The following DEPDC5 variants were observed in gnomAD, a reference collection of about 807,000 sequenced individuals.
The protein encoded by DEPDC5 is GATOR1 complex protein DEPDC5.
DEPDC5 carries 73 observed loss-of-function variants against 217.3 expected under a neutral mutation model. The ratio of observed to expected loss-of-function variants is 0.34; its 90% CI spans 0.28 to 0.41. The LOEUF is 0.41. Ranked by LOEUF, DEPDC5 falls within the 10% of genes least tolerant of loss-of-function variation. DEPDC5 has a pLI of 1.00. For synonymous variants in DEPDC5, 733 were observed against 756.7 expected (o/e 0.97, Z 0.51); for missense variants, 1,675 against 2,070.1 (o/e 0.81, Z 3.70).
chr22:31,897,239 G>A (rs1018827498), intron 39 of DEPDC5, among the ~76,000 whole-genome samples: 1 of 152,228 alleles, frequency 6.6e-6, no homozygotes, highest in Non-Finnish European at 1.5e-5. Flanking sequence ...AACACCGAAG[G>A]TGCAGAAGTT....
intron 24 of DEPDC5, among the ~76,000 whole-genome samples, chr22:31,828,147 A>G (rs2148877607): frequency 6.6e-6 from 1 of 152,240 alleles, no homozygotes; most frequent in Non-Finnish European, 1.5e-5. Flanking sequence ...CTGTATTCCC[A>G]GAGCTTAAAA....
chr22:31,797,742 G>GAAGT, intron 13 of DEPDC5, 39 bp downstream of exon 13: 1 of 1,491,704 alleles, frequency 6.7e-7, no homozygotes, highest in Non-Finnish European at 9.4e-7. Flanking sequence ...GCGGGGAAAG[G>GAAGT]AAGTGTAGGA....
chr22:31,898,430 G>T (rs1182773155), intron 40 of DEPDC5, among the ~76,000 whole-genome samples: 1 of 152,188 alleles, frequency 6.6e-6, no homozygotes, highest in African/African-American at 2.4e-5. Context: ...CTTTTGATGA[G>T]TTCACAGATG....
intron 26 of DEPDC5, among the ~76,000 whole-genome samples, chr22:31,838,028 G>A (rs1287026679): frequency 1.3e-5 from 2 of 152,074 alleles, no homozygotes; most frequent in East Asian, 3.9e-4. Flanking sequence ...TGTAAGAACT[G>A]TTCGTTTCTC....
At chr22:31,781,805 G>A (rs571276454) in intron 8 of DEPDC5, among the ~76,000 whole-genome samples, 2 of 152,200 alleles carry the variant, frequency 1.3e-5, no homozygotes, top group South Asian at 4.2e-4. Flanking sequence ...AGGCCGAGGT[G>A]GGGGGGATTG....
At chr22:31,861,874 T>C (rs2092527795) in intron 33 of DEPDC5, among the ~76,000 whole-genome samples, 4 of 152,248 alleles carry the variant, frequency 2.6e-5, no homozygotes, top group African/African-American at 7.2e-5. Flanking sequence ...TTCATAGGCA[T>C]GTGCTAATGC....
chr22:31,799,787 AC>A (rs2086665411), intron 14 of DEPDC5, among the ~76,000 whole-genome samples: 1 of 133,102 alleles, frequency 7.5e-6, no homozygotes, highest in Non-Finnish European at 1.6e-5. Context: ...GGCATGAGCC[AC>A]CATGCCCGGC....
intron 29 of DEPDC5, 108 bp downstream of exon 29, chr22:31,843,920 T>C (rs1301795245): frequency 3.1e-6 from 4 of 1,274,182 alleles, no homozygotes; most frequent in African/African-American, 1.5e-5. Context: ...TTCTTTTTTT[T>C]TTTCTTTGTA....
At chr22:31,873,196 C>G (rs553987989) in intron 34 of DEPDC5, 59 bp from the exon 35 acceptor site, 2 of 1,612,616 alleles carry the variant, frequency 1.2e-6, no homozygotes, top group Admixed American at 3.3e-5. Context: ...TCCTAATATT[C>G]GTGCTCTTGA....
chr22:31,801,066 C>T lies in DEPDC5; in HGVS notation c.947-1638C>T, dbSNP rs562834220. On this transcript the variant is annotated intron_variant, in intron 14 of 42. Transcript: ENST00000651528. ...CCAGCACTTTCGGAGGCTTAGGCAG[C>T]GGGATCACCTGAGGTCAGGAGCTCA... Among the ~76,000 whole-genome samples the T allele has an allele frequency of 2.6e-4, 39 of 149,852 alleles. 1 individual carries two copies. The South Asian group carries it at 7.2e-3, about 28-fold the overall frequency.
At chr22:31,796,399 C>T (rs2086251240) in intron 12 of DEPDC5, among the ~76,000 whole-genome samples, 1 of 152,094 alleles carries the variant, frequency 6.6e-6, no homozygotes, top group African/African-American at 2.4e-5. Flanking sequence ...CACTGCCTGG[C>T]CCACTGTATC....
intron 34 of DEPDC5, among the ~76,000 whole-genome samples, chr22:31,872,519 G>A (rs959008503): frequency 6.6e-6 from 1 of 152,142 alleles, no homozygotes; most frequent in Non-Finnish European, 1.5e-5. Context: ...TGATGATACT[G>A]GGATTCCATT....
At chr22:31,790,504 G>C (rs563252310) in intron 10 of DEPDC5, among the ~76,000 whole-genome samples, 1 of 152,320 alleles carries the variant, frequency 6.6e-6, no homozygotes, top group Middle Eastern at 3.4e-3. Context: ...ATACCGCTGA[G>C]TCCAGAGCAA....
Position 31,809,577 on chromosome 22 carries a change from G to A in DEPDC5, c.1288-34G>A, listed in dbSNP as rs761762389. On this transcript the variant is annotated intron_variant, in intron 18 of 42. Coordinates refer to ENST00000651528, the MANE Select transcript of DEPDC5 (RefSeq NM_001242896.3). ...TGTGATAAGTTCTTTTCTAGCGAAG[G>A]AAGGAGTGATTAATTATCTATTTAA... 5 of 1,612,886 alleles carry A rather than the reference G, an allele frequency of 3.1e-6. No homozygotes were observed. The East Asian group carries it at 1.1e-4, about 36-fold the overall frequency.
intron 14 of DEPDC5, among the ~76,000 whole-genome samples, chr22:31,801,001 T>A (rs988286484): frequency 6.6e-6 from 1 of 150,896 alleles, no homozygotes; most frequent in Non-Finnish European, 1.5e-5. Flanking sequence ...TTTTTTTTTT[T>A]AAATAAATAG....
upstream of DEPDC5, chr22:31,753,984 C>G (rs960049352): frequency 6.6e-6 from 1 of 152,670 alleles, no homozygotes; most frequent in African/African-American, 2.4e-5. Context: ...ACCGGAGCGG[C>G]GCGGGTTCTC....
intron 30 of DEPDC5, among the ~76,000 whole-genome samples, chr22:31,845,701 G>A (rs902073374): frequency 2.0e-5 from 3 of 152,054 alleles, no homozygotes; most frequent in Non-Finnish European, 4.4e-5. Context: ...AGCTATAAGG[G>A]GCAGAACTGG....
At chr22:31,801,500 CAG>C (rs1208256503) in intron 14 of DEPDC5, among the ~76,000 whole-genome samples, 1 of 152,072 alleles carries the variant, frequency 6.6e-6, no homozygotes, top group Admixed American at 6.6e-5. Flanking sequence ...TTGCAAATAA[CAG>C]AGATGTACTG....
rs1471297802 is a variant in DEPDC5, at chr22:31,797,855, T to C, written c.871+152T>C. On this transcript the variant is annotated intron_variant, in intron 13 of 42. Transcript: ENST00000651528. ...TTCTGTTTCCAGTTGGATCCAATTGTACATTTCGTATGCCGTAAGTTCAAC... is the reference window on the plus strand; with the variant it reads ...TTCTGTTTCCAGTTGGATCCAATTGCACATTTCGTATGCCGTAAGTTCAAC... 26 of 654,822 alleles carry C rather than the reference T, an allele frequency of 4.0e-5. No individual in the cohort carries two copies. In the East Asian group the frequency reaches 7.1e-4, roughly 18 times the overall value. 40.6% of individuals were successfully genotyped at this position (654,822 alleles called of 1,614,324 possible). A position where few individuals can be genotyped will look rare whatever the true frequency, so the allele number is the denominator to read the frequency against.
Sources: gnomAD v4.1 joint callset for allele counts (sites outside exome capture counted in the v4.1 genomes callset) on GRCh38, gnomAD v4.1.1 for gene constraint, MANE v1.5 for transcripts, NCBI Gene and HGNC (gene_info 2026-07-23, HGNC 2026-07-21) for gene names.